The following MARCHF8 variants were observed in gnomAD, a reference collection of about 807,000 sequenced individuals.
MARCHF8 encodes E3 ubiquitin-protein ligase MARCHF8.
Under a neutral mutation model 51.6 loss-of-function variants are expected in MARCHF8, and 40 were observed. That is an observed-to-expected ratio of 0.77 (90% CI 0.60 to 1.01). The LOEUF is 1.01. MARCHF8 is among the 50% of genes least tolerant of loss of function. The pLI is 0.00. For missense variants in MARCHF8, 685 were observed against 708.6 expected (o/e 0.97, Z 0.38); for synonymous variants, 263 against 280.3 (o/e 0.94, Z 0.62).
At chr10:45,511,599 G>A (rs571768760) in intron 2 of MARCHF8, among the ~76,000 whole-genome samples, 6 of 152,358 alleles carry the variant, frequency 3.9e-5, no homozygotes, top group South Asian at 2.1e-4. Flanking sequence ...TGGTGGAGAC[G>A]GGGTTTCGCT....
chr10:45,482,944 A>G (rs190193099), intron 3 of MARCHF8, among the ~76,000 whole-genome samples: 1 of 152,342 alleles, frequency 6.6e-6, no homozygotes, highest in Admixed American at 6.5e-5. Context: ...CCATACGCAG[A>G]TGAATGAAAC....
intron 2 of MARCHF8, among the ~76,000 whole-genome samples, chr10:45,505,921 T>C (rs1048361877): frequency 1.3e-5 from 2 of 152,194 alleles, no homozygotes; most frequent in African/African-American, 4.8e-5. Context: ...CATGGCCCCA[T>C]AGTTGAAATT....
intron 2 of MARCHF8, among the ~76,000 whole-genome samples, chr10:45,507,256 T>C (rs1435629960): frequency 6.6e-6 from 1 of 152,330 alleles, no homozygotes; most frequent in East Asian, 1.9e-4. Context: ...AAAAATAGTT[T>C]TGTCCTAAAA....
intron 1 of MARCHF8, among the ~76,000 whole-genome samples, chr10:45,559,639 A>C (rs916647404): frequency 2.0e-5 from 3 of 152,250 alleles, no homozygotes; most frequent in Non-Finnish European, 2.9e-5. Flanking sequence ...ACTGATATTT[A>C]AATAAACATG....
chr10:45,481,818 G>C (rs528083726), intron 3 of MARCHF8, among the ~76,000 whole-genome samples: 1 of 152,298 alleles, frequency 6.6e-6, no homozygotes, highest in South Asian at 2.1e-4. Context: ...GGAAGTCCTA[G>C]TTAGAGCAAT....
At chr10:45,536,427 G>GT (rs1481040805), upstream of MARCHF8, among the ~76,000 whole-genome samples, 1 of 151,822 alleles carries the variant, frequency 6.6e-6, no homozygotes, top group Non-Finnish European at 1.5e-5. Flanking sequence ...AAAAACTTTT[G>GT]TGCTTCAAAA....
intron 2 of MARCHF8, among the ~76,000 whole-genome samples, chr10:45,494,356 T>G (rs2043135653): frequency 6.6e-6 from 1 of 152,174 alleles, no homozygotes; most frequent in Non-Finnish European, 1.5e-5. Flanking sequence ...AGCGAGTTTT[T>G]GGGATTCTGT....
chr10:45,576,839 C>T (rs1408688668), intron 1 of MARCHF8, among the ~76,000 whole-genome samples: 5 of 150,782 alleles, frequency 3.3e-5, no homozygotes, highest in African/African-American at 1.2e-4. Flanking sequence ...GCTTAAAAGT[C>T]CCAGCTACGC....
chr10:45,497,785 T>C (rs962266982), intron 2 of MARCHF8, among the ~76,000 whole-genome samples: 5 of 152,018 alleles, frequency 3.3e-5, no homozygotes, highest in African/African-American at 1.2e-4. Flanking sequence ...GCAACTAAAA[T>C]AGTGCTTAGG....
intron 1 of MARCHF8, among the ~76,000 whole-genome samples, chr10:45,582,098 G>T (rs1009000453): frequency 1.1e-4 from 16 of 152,264 alleles, no homozygotes; most frequent in African/African-American, 3.4e-4. Context: ...GAGGCCAAAA[G>T]GTTAGAGAAG....
At chr10:45,530,612 T>C (rs906474806) in intron 2 of MARCHF8, among the ~76,000 whole-genome samples, 4 of 152,052 alleles carry the variant, frequency 2.6e-5, no homozygotes, top group African/African-American at 9.7e-5. Context: ...AGACCCCGAC[T>C]CTACAAAATG....
At chr10:45,515,766 G>A (rs1773536993) in intron 2 of MARCHF8, among the ~76,000 whole-genome samples, 1 of 152,142 alleles carries the variant, frequency 6.6e-6, no homozygotes, top group Admixed American at 6.6e-5. Flanking sequence ...GTGTTGTCTA[G>A]GGGAACCCTT....
intron 3 of MARCHF8, among the ~76,000 whole-genome samples, chr10:45,472,932 G>A (rs921413269): frequency 2.6e-5 from 4 of 152,138 alleles, no homozygotes; most frequent in Non-Finnish European, 5.9e-5. Flanking sequence ...ATCCTGTTTT[G>A]GGACAGCTGT....
Position 45,463,289 on chromosome 10 carries a change from G to A in MARCHF8, c.950C>T (p.Thr317Ile). 6.4e-7 allele frequency: 1 copy of A among 1,551,018 alleles called. No homozygotes were observed. The highest frequency in any genetic ancestry group is 8.7e-7 in the Non-Finnish European group (1 of 1,147,094). The change falls in exon 5 of 8, where the codon ACA becomes ATA. Residue 317 changes from threonine (T) to isoleucine (I), a missense_variant. Physicochemically the swap from Thr to Ile is moderately conservative, Grantham distance 89. Coordinates refer to ENST00000453424, the MANE Select transcript of MARCHF8 (RefSeq NM_001282866.2). ...MGDDDVFEDS[T>I]SAKLKSRVLR... is the part of the protein sequence containing the mutation. ...AACCCTACTCTTCAGTTTTGCAGATGTGCTGTCCTCAAAGACATCGTCGTC... is the reference window on the plus strand; with the variant it reads ...AACCCTACTCTTCAGTTTTGCAGATATGCTGTCCTCAAAGACATCGTCGTC...
At chr10:45,574,713 C>A (rs1170465780) in intron 1 of MARCHF8, among the ~76,000 whole-genome samples, 2 of 152,190 alleles carry the variant, frequency 1.3e-5, no homozygotes, top group Non-Finnish European at 2.9e-5. Context: ...GCGGCTACCG[C>A]TGCCTTAATA....
chr10:45,564,692 G>C (rs1434278724), intron 1 of MARCHF8, among the ~76,000 whole-genome samples: 1 of 151,686 alleles, frequency 6.6e-6, no homozygotes, highest in Non-Finnish European at 1.5e-5. Context: ...GCACACTGTA[G>C]ATAAACTGCT....
At chr10:45,591,152 C>G (rs1275058697) in intron 1 of MARCHF8, among the ~76,000 whole-genome samples, 1 of 152,154 alleles carries the variant, frequency 6.6e-6, no homozygotes, top group East Asian at 1.9e-4. Flanking sequence ...AATCCACCAC[C>G]CTTTGCTGAC....
At chr10:45,564,779 G>A (rs1384706377) in intron 1 of MARCHF8, among the ~76,000 whole-genome samples, 2 of 151,162 alleles carry the variant, frequency 1.3e-5, no homozygotes, top group Admixed American at 6.6e-5. Context: ...GTAATATGAC[G>A]GCCAGCTGAT....
chr10:45,565,476 G>A (rs556486979), intron 1 of MARCHF8, among the ~76,000 whole-genome samples: 2 of 151,916 alleles, frequency 1.3e-5, no homozygotes, highest in Admixed American at 6.6e-5. Flanking sequence ...ATAGCACAAT[G>A]ACTGGGTAGG....
Sources: allele counts gnomAD v4.1 joint callset (sites outside exome capture counted in the v4.1 genomes callset), GRCh38; gene constraint gnomAD v4.1.1; transcripts MANE v1.5; gene names NCBI Gene and HGNC (gene_info 2026-07-23, HGNC 2026-07-21).